ZC2HC1A: variants seen among roughly 807,000 people sequenced by gnomAD.
ZC2HC1A encodes the protein zinc finger C2HC-type containing 1A, also known as zinc finger C2HC domain-containing protein 1A.
ZC2HC1A carries 28 observed loss-of-function variants against 40.7 expected under a neutral mutation model. The observed-to-expected ratio is 0.69, with a 90% CI of 0.51 to 0.94. The LOEUF is 0.94. ZC2HC1A is among the 40% of genes least tolerant of loss of function. The probability of loss-of-function intolerance (pLI) is 0.00; values close to 1 mark genes in which losing one functional copy is unlikely to be tolerated. For missense variants in ZC2HC1A, 389 were observed against 386.3 expected (o/e 1.01, Z -0.06); for synonymous variants, 129 against 129.2 (o/e 1.00, Z 0.01).
chr8:78,666,196 C>T (rs1274694320), intron 1 of ZC2HC1A, 32 bp downstream of exon 1: 1 of 1,568,720 alleles, frequency 6.4e-7, no homozygotes, highest in African/African-American at 1.3e-5. Context: ...GGCAGGACGG[C>T]TAGAGCGGGC....
chr8:78,701,033 T>C (rs1810586003), intron 7 of ZC2HC1A, among the ~76,000 whole-genome samples: 1 of 152,228 alleles, frequency 6.6e-6, no homozygotes, highest in African/African-American at 2.4e-5. Context: ...GTGAAGAATG[T>C]CACTGATAGT....
chr8:78,698,204 A>G (rs1468399561), intron 6 of ZC2HC1A, among the ~76,000 whole-genome samples: 1 of 152,176 alleles, frequency 6.6e-6, no homozygotes, highest in African/African-American at 2.4e-5. Context: ...ACCTTTATTT[A>G]TATATCAATT....
intron 7 of ZC2HC1A, among the ~76,000 whole-genome samples, chr8:78,698,961 T>C (rs1055251650): frequency 7.2e-5 from 11 of 152,172 alleles, no homozygotes; most frequent in African/African-American, 2.4e-4. Context: ...ATATATAAAT[T>C]GGGATATCTT....
intron 6 of ZC2HC1A, among the ~76,000 whole-genome samples, 176 bp downstream of exon 6, chr8:78,697,682 CTTT>C (rs370060109): frequency 7.9e-5 from 11 of 139,652 alleles, no homozygotes; most frequent in Non-Finnish European, 9.4e-5. Context: ...TACTTTTAAC[CTTT>C]TTTTTTTTTT....
At chr8:78,673,571 A>T (rs965808817) in intron 1 of ZC2HC1A, among the ~76,000 whole-genome samples, 2 of 152,028 alleles carry the variant, frequency 1.3e-5, no homozygotes, top group Admixed American at 1.3e-4. Flanking sequence ...ATCCTCTCCA[A>T]CATCTGTTGT....
At chr8:78,690,568 A>AG (rs1358596670) in intron 5 of ZC2HC1A, among the ~76,000 whole-genome samples, 1 of 152,088 alleles carries the variant, frequency 6.6e-6, no homozygotes, top group East Asian at 1.9e-4. Context: ...TCAAAAAAAA[A>AG]AAAAAAACTT....
intron 7 of ZC2HC1A, among the ~76,000 whole-genome samples, chr8:78,710,802 G>C (rs768313921): frequency 9.9e-5 from 15 of 152,018 alleles, no homozygotes; most frequent in Non-Finnish European, 2.1e-4. Context: ...AATGAAGGCT[G>C]CTTTTAAGAA....
chr8:78,666,358 G>T (rs907195143), intron 1 of ZC2HC1A, among the ~76,000 whole-genome samples, 194 bp downstream of exon 1: 10 of 152,222 alleles, frequency 6.6e-5, no homozygotes, highest in African/African-American at 2.4e-4. Flanking sequence ...CTACCAGGCT[G>T]CCCCGCCTCA....
chr8:78,677,541 T>G (rs75284274), intron 2 of ZC2HC1A, among the ~76,000 whole-genome samples: 5,614 of 152,246 alleles, frequency 0.037, 314 homozygotes, highest in African/African-American at 0.13. Context: ...TTATGTTAAC[T>G]TTAGTAATCC....
chr8:78,688,045 C>T (rs940096287), intron 4 of ZC2HC1A, among the ~76,000 whole-genome samples: 7 of 149,592 alleles, frequency 4.7e-5, no homozygotes, highest in Admixed American at 2.0e-4. Flanking sequence ...TTTACAAAGA[C>T]AGGCAACAGG....
intron 2 of ZC2HC1A, among the ~76,000 whole-genome samples, chr8:78,677,737 G>T (rs1809629030): frequency 1.3e-5 from 2 of 152,074 alleles, no homozygotes; most frequent in African/African-American, 4.8e-5. Context: ...CAGAAAAAGG[G>T]TCCCAATCCA....
At position 78,679,135 on chromosome 8, in the gene ZC2HC1A, G is replaced by A. The variant is rs775140685; in HGVS notation, c.210+456G>A. The A allele has an allele frequency of 3.3e-5, 5 of 152,246 alleles. 1 individual carries two copies. Among genetic ancestry groups the A allele is most frequent in the Admixed American group, 3.3e-4 (5 of 15,274 alleles). The allele number at this position is 152,246 out of a possible 1,614,324, so 9.4% of individuals were successfully genotyped here. A position where few individuals can be genotyped will look rare whatever the true frequency, so the allele number is the denominator to read the frequency against. ...CTTATTTTGACATATTGACTGCCAG[G>A]ATTTGTAATCTATATTATGTTTCTA... On this transcript the variant is annotated intron_variant, in intron 3 of 8. Transcript: ENST00000263849.
chr8:78,696,282 C>T (rs1463989084), intron 5 of ZC2HC1A, among the ~76,000 whole-genome samples: 1 of 152,174 alleles, frequency 6.6e-6, no homozygotes, highest in African/African-American at 2.4e-5. Context: ...GATCCACCTG[C>T]CTCGGCCTTC....
chr8:78,711,898 T>G, intron 7 of ZC2HC1A: 1 of 692,246 alleles, frequency 1.4e-6, no homozygotes, highest in Non-Finnish European at 2.2e-6. Context: ...GGAGTAGATA[T>G]CTGATGAACC....
At chr8:78,699,436 TA>T in intron 7 of ZC2HC1A, among the ~76,000 whole-genome samples, 1 of 152,302 alleles carries the variant, frequency 6.6e-6, no homozygotes, top group East Asian at 1.9e-4. Context: ...TTCAGTTGAT[TA>T]ATGAAATACA....
At chr8:78,703,024 G>A (rs1810657864) in intron 7 of ZC2HC1A, among the ~76,000 whole-genome samples, 1 of 152,062 alleles carries the variant, frequency 6.6e-6, no homozygotes, top group African/African-American at 2.4e-5. Context: ...AGCCTCTCGA[G>A]CAGCTGGGAT....
intron 1 of ZC2HC1A, among the ~76,000 whole-genome samples, chr8:78,667,000 G>A (rs2130398427): frequency 6.6e-6 from 1 of 152,312 alleles, no homozygotes; most frequent in Middle Eastern, 3.4e-3. Context: ...TTATGATGAA[G>A]AACAAACCTT....
chr8:78,701,816 A>G (rs1810615057), intron 7 of ZC2HC1A, among the ~76,000 whole-genome samples: 1 of 152,176 alleles, frequency 6.6e-6, no homozygotes, highest in Non-Finnish European at 1.5e-5. Context: ...TGCGGAGTCA[A>G]CCTTGCATCC....
At position 78,706,345 on chromosome 8, in the gene ZC2HC1A, G is replaced by T. The variant is rs376777559; in HGVS notation, c.704+7832G>T. ...AACATCCTGCTTTGCTGGAGTTGCA[G>T]TTACTTTTGCTGGGAAGTTTGGAGT... On this transcript the variant is annotated intron_variant, in intron 7 of 8. Coordinates refer to ENST00000263849, the MANE Select transcript of ZC2HC1A (RefSeq NM_016010.3). Among the ~76,000 whole-genome samples, 7 of 152,318 alleles carry T rather than the reference G, an allele frequency of 4.6e-5. No individual in the cohort carries two copies. The East Asian group carries it at 7.7e-4, about 17-fold the overall frequency.
Sources: gnomAD v4.1 joint callset for allele counts (sites outside exome capture counted in the v4.1 genomes callset) on GRCh38, gnomAD v4.1.1 for gene constraint, MANE v1.5 for transcripts, NCBI Gene and HGNC (gene_info 2026-07-23, HGNC 2026-07-21) for gene names.